OTULIN: variants seen among roughly 807,000 people sequenced by gnomAD.
The protein encoded by OTULIN is ubiquitin thioesterase otulin.
A neutral mutation model predicts 39.6 loss-of-function variants in OTULIN; 15 were observed. The observed-to-expected ratio is 0.38, with a 90% CI of 0.25 to 0.58. The LOEUF (loss-of-function observed/expected upper bound fraction) is 0.58. Among genes scored for constraint, OTULIN ranks in the 20% least tolerant of loss-of-function variants. The pLI, the probability that OTULIN is intolerant of heterozygous loss-of-function variation, is 0.66. For missense variants in OTULIN, 319 were observed against 445.9 expected (o/e 0.72, Z 2.56); for synonymous variants, 156 against 170.3 (o/e 0.92, Z 0.65).
intron 1 of OTULIN, among the ~76,000 whole-genome samples, chr5:14,673,370 C>A (rs74338798): frequency 0.015 from 2,272 of 152,266 alleles, 65 homozygotes; most frequent in African/African-American, 0.052. Context: ...ATAGGCATTA[C>A]AATTAAAATG....
At chr5:14,667,505 T>C (rs547805943) in intron 1 of OTULIN, among the ~76,000 whole-genome samples, 111 of 152,160 alleles carry the variant, frequency 7.3e-4, no homozygotes, top group Non-Finnish European at 1.3e-3. Context: ...CCTAAGTAGC[T>C]GGGGCAACAG....
chr5:14,705,033 T>C, the OTULIN span: 1 of 152,224 alleles, frequency 6.6e-6, no homozygotes, highest in East Asian at 1.9e-4. Context: ...AAATATTTTA[T>C]TTGTATTTTA....
intron 3 of OTULIN, among the ~76,000 whole-genome samples, chr5:14,681,001 A>G (rs1371285389): frequency 6.6e-6 from 1 of 152,182 alleles, no homozygotes; most frequent in South Asian, 2.1e-4. Context: ...CCGAGGTTGC[A>G]GTGAGCCGAG....
In OTULIN at chr5:14,694,608, A is replaced by G. The variant is rs1339917832; in HGVS notation, c.*1560A>G. On this transcript the variant is annotated 3_prime_UTR_variant, in exon 7 of 7. Transcript: ENST00000284274. ...TTAATTAAAAATAAAGTCTTAGTTA[A>G]GAAAACTCAGGATGCACAAAACTAT... 1.3e-5 allele frequency: 2 copies of G among 152,616 alleles called. No individual in the cohort carries two copies. The highest frequency in any genetic ancestry group is 2.9e-5 in the Non-Finnish European group (2 of 68,048). 9.5% of individuals were successfully genotyped at this position (152,616 alleles called of 1,614,324 possible).
At chr5:14,679,155 A>G (rs1046164705) in intron 3 of OTULIN, among the ~76,000 whole-genome samples, 3 of 152,120 alleles carry the variant, frequency 2.0e-5, no homozygotes, top group African/African-American at 4.8e-5. Flanking sequence ...TCCACAGCAC[A>G]TTGAGTTTGC....
In OTULIN at chr5:14,695,841, TAC is replaced by T. The variant is rs1435431769; in HGVS notation, c.*2795_*2796del. On this transcript the variant is annotated 3_prime_UTR_variant, in exon 7 of 7. Coordinates refer to ENST00000284274, the MANE Select transcript of OTULIN (RefSeq NM_138348.6). Reference sequence around the variant, plus strand: ...TGTTTGCAGTTCCTCTTCCGTAGAATACAGAGTGGATGAAAATGTTTTCAATG... The same window carrying T: ...TGTTTGCAGTTCCTCTTCCGTAGAATAGAGTGGATGAAAATGTTTTCAATG... 6.6e-6 allele frequency: 1 copy of T among 152,234 alleles called. No homozygotes were observed. The highest frequency in any genetic ancestry group is 1.5e-5 in the Non-Finnish European group (1 of 68,028). The allele number at this position is 152,234 out of a possible 1,614,324, so 9.4% of individuals were successfully genotyped here.
chr5:14,710,610 T>C, the OTULIN span: 1 of 159,592 alleles, frequency 6.3e-6, no homozygotes, highest in Non-Finnish European at 1.4e-5. Context: ...CGTTCCTCAG[T>C]GTGAACGGGG....
At chr5:14,688,445 T>G (rs1736442076) in intron 5 of OTULIN, among the ~76,000 whole-genome samples, 2 of 152,172 alleles carry the variant, frequency 1.3e-5, no homozygotes, top group African/African-American at 4.8e-5. Flanking sequence ...GCTGCTCCCA[T>G]TAGACTTTCA....
the OTULIN span, chr5:14,712,888 CAT>C: frequency 3.7e-6 from 6 of 1,611,270 alleles, no homozygotes; most frequent in Non-Finnish European, 5.1e-6. Flanking sequence ...TTCCGGTAGA[CAT>C]AGCACGCAGC....
intron 2 of OTULIN, among the ~76,000 whole-genome samples, chr5:14,677,559 A>G (rs1579965600): frequency 6.6e-6 from 1 of 152,240 alleles, no homozygotes; most frequent in African/African-American, 2.4e-5. Flanking sequence ...GTATATGCAC[A>G]TACCACAAAA....
downstream of OTULIN, among the ~76,000 whole-genome samples, chr5:14,702,380 A>T (rs149237669): frequency 6.6e-6 from 1 of 152,240 alleles, no homozygotes; most frequent in Non-Finnish European, 1.5e-5. Flanking sequence ...GGGCTGGAAA[A>T]ACAGACTTGG....
chr5:14,715,200 C>T, the OTULIN span, among the ~76,000 whole-genome samples: 2 of 152,174 alleles, frequency 1.3e-5, no homozygotes, highest in Non-Finnish European at 2.9e-5. Flanking sequence ...GGTGCAATCT[C>T]GACTCACTGC....
At chr5:14,686,269 ATTTATTT>A (rs779401106) in intron 4 of OTULIN, among the ~76,000 whole-genome samples, 9 of 152,044 alleles carry the variant, frequency 5.9e-5, no homozygotes, top group Non-Finnish European at 8.8e-5. Context: ...TATTTTATGT[ATTTATTT>A]TTATTCATTT....
chr5:14,712,488 A>G, the OTULIN span, among the ~76,000 whole-genome samples: 13 of 152,338 alleles, frequency 8.5e-5, no homozygotes, highest in African/African-American at 3.1e-4. Context: ...TGGACTGCCC[A>G]GTCCTTGTGT....
At chr5:14,707,519 G>A in the OTULIN span, 2 of 152,272 alleles carry the variant, frequency 1.3e-5, no homozygotes, top group African/African-American at 4.8e-5. Flanking sequence ...CCAACCAGGA[G>A]AGAGATCCAG....
At chr5:14,705,935 C>T in the OTULIN span, 1 of 152,206 alleles carries the variant, frequency 6.6e-6, no homozygotes, top group Admixed American at 6.5e-5. Context: ...TGTTCCCCAA[C>T]TCCAGAGGCG....
rs758476495 is a variant in OTULIN, at chr5:14,693,084, A to G, written c.*36A>G. 1.3e-6 allele frequency: 2 copies of G among 1,553,152 alleles called. No homozygotes were observed. The highest frequency in any genetic ancestry group is 1.7e-6 in the Non-Finnish European group (2 of 1,143,536). ...CTCCTGACAGCCTGGCGACGTGGCG[A>G]AGATGCACAGGTGGCTCCTGGGCTT... On this transcript the variant is annotated 3_prime_UTR_variant, in exon 7 of 7. Coordinates refer to ENST00000284274, the MANE Select transcript of OTULIN (RefSeq NM_138348.6).
chr5:14,671,449 G>C (rs192274967), intron 1 of OTULIN, among the ~76,000 whole-genome samples: 113 of 152,290 alleles, frequency 7.4e-4, no homozygotes, highest in African/African-American at 2.6e-3. Flanking sequence ...CTATGAAAGT[G>C]CTTTGCTTAA....
chr5:14,711,679 G>A, the OTULIN span, among the ~76,000 whole-genome samples: 1 of 152,190 alleles, frequency 6.6e-6, no homozygotes, highest in Non-Finnish European at 1.5e-5. Context: ...CTCAAGCTTG[G>A]AATCTCACAT....
Sources: allele counts gnomAD v4.1 joint callset (sites outside exome capture counted in the v4.1 genomes callset), GRCh38; gene constraint gnomAD v4.1.1; transcripts MANE v1.5; gene names NCBI Gene and HGNC (gene_info 2026-07-23, HGNC 2026-07-21).